CEP192: variants seen among roughly 807,000 people sequenced by gnomAD.
The protein encoded by CEP192 is centrosomal protein of 192 kDa.
A neutral mutation model predicts 271.8 loss-of-function variants in CEP192; 151 were observed. The observed-to-expected ratio is 0.56, with a 90% CI of 0.49 to 0.64. The LOEUF is 0.64. CEP192 is among the 30% of genes least tolerant of loss of function. The probability of loss-of-function intolerance (pLI) is 0.00; values close to 1 mark genes in which losing one functional copy is unlikely to be tolerated. For missense variants in CEP192, 2,910 were observed against 3,020.5 expected (o/e 0.96, Z 0.86); for synonymous variants, 995 against 1,076.5 (o/e 0.92, Z 1.48).
At chr18:13,026,604 G>C (rs148827099) in intron 9 of CEP192, among the ~76,000 whole-genome samples, 1 of 152,202 alleles carries the variant, frequency 6.6e-6, no homozygotes, top group East Asian at 1.9e-4. Flanking sequence ...TTTGCATTCA[G>C]TTTTAGAAGT....
At chr18:13,096,421 G>A in intron 36 of CEP192, 114 bp downstream of exon 36, 1 of 1,382,290 alleles carries the variant, frequency 7.2e-7, no homozygotes, top group Non-Finnish European at 9.8e-7. Context: ...GCACCGTGCT[G>A]ACTCTGCACA....
chr18:13,042,290 G>A lies in CEP192; in HGVS notation c.2023G>A (p.Asp675Asn). 1 of 1,613,994 alleles carries A rather than the reference G, an allele frequency of 6.2e-7. No individual in the cohort carries two copies. The highest frequency in any genetic ancestry group is 8.5e-7 in the Non-Finnish European group (1 of 1,179,902). The change falls in exon 15 of 45, where the codon GAT becomes AAT. Residue 675 changes from aspartate to asparagine, a missense_variant. Physicochemically the swap from Asp to Asn is conservative, Grantham distance 23 (BLOSUM62 1). Transcript: ENST00000506447. Reference protein sequence around the residue: ...VEAVESTSQVDENDVTLTADK... With the variant: ...VEAVESTSQVNENDVTLTADK... The stretch of plus-strand genomic sequence containing the variant: ...AGCAGTAGAGAGTACTTCACAAGTG[G>A]ATGAAAATGATGTGACGTTAACGGC...
intron 17 of CEP192, among the ~76,000 whole-genome samples, 193 bp from the exon 18 acceptor site, chr18:13,052,726 A>G (rs2036862023): frequency 6.6e-6 from 1 of 152,222 alleles, no homozygotes; most frequent in South Asian, 2.1e-4. Context: ...AAATGCCACA[A>G]TACATTTTAC....
chr18:13,036,213 A>C (rs935029708), intron 11 of CEP192, among the ~76,000 whole-genome samples: 1 of 152,138 alleles, frequency 6.6e-6, no homozygotes, highest in Admixed American at 6.5e-5. Flanking sequence ...GTAAAGAACT[A>C]GCACTGTTCT....
At chr18:13,119,556 A>G (rs1267348758) in intron 44 of CEP192, among the ~76,000 whole-genome samples, 1 of 152,158 alleles carries the variant, frequency 6.6e-6, no homozygotes, top group Non-Finnish European at 1.5e-5. Context: ...AGCCTGGCCA[A>G]CATTATGAAA....
rs959774420 is a variant in CEP192, at chr18:13,031,056, C to T, written c.1534+448C>T. ...CAAGGGATAAAAGCGTGAAAAGAAA[C>T]AGGTTGTTGATTAGCATCATCCCCG... On this transcript the variant is annotated intron_variant, in intron 11 of 44. Coordinates refer to ENST00000506447, the MANE Select transcript of CEP192 (RefSeq NM_032142.4). Among the ~76,000 whole-genome samples the T allele has an allele frequency of 9.9e-5, 15 of 152,180 alleles. No homozygotes were observed. The East Asian group carries it at 1.4e-3, about 14-fold the overall frequency.
At chr18:13,082,039 T>C (rs2038637746) in intron 30 of CEP192, among the ~76,000 whole-genome samples, 3 of 152,204 alleles carry the variant, frequency 2.0e-5, no homozygotes, top group Non-Finnish European at 4.4e-5. Flanking sequence ...GTGGTCAGTT[T>C]TGGAATAAGT....
At position 13,059,166 on chromosome 18, in the gene CEP192, T is replaced by C. The variant is rs771384068; in HGVS notation, c.4342T>C (p.Phe1448Leu). The change falls in exon 21 of 45, where the codon TTT (phenylalanine) becomes CTT (leucine). Residue 1448 changes from phenylalanine to leucine, a missense_variant. Physicochemically the swap from Phe to Leu is conservative, Grantham distance 22. Transcript: ENST00000506447. ...TGCCACAGAAGAGATAAAAGTGCTT[T>C]TTATACCATCCAGTCCTGGGGTTTT... ...PHATEEIKVL[F>L]IPSSPGVFRC... 2 of 1,614,118 alleles carry C rather than the reference T, an allele frequency of 1.2e-6. No individual in the cohort carries two copies. Among genetic ancestry groups the C allele is most frequent in the Non-Finnish European group, 1.7e-6 (2 of 1,179,992 alleles).
chr18:13,026,545 G>A (rs2035311693), intron 9 of CEP192, among the ~76,000 whole-genome samples: 1 of 152,028 alleles, frequency 6.6e-6, no homozygotes, highest in Non-Finnish European at 1.5e-5. Context: ...TATACATTTT[G>A]TAGTTGTCCT....
intron 32 of CEP192, 88 bp downstream of exon 32, chr18:13,087,734 A>G (rs543525720): frequency 1.8e-6 from 1 of 551,560 alleles, no homozygotes; most frequent in Admixed American, 3.4e-5. Context: ...TTTTTAGAGT[A>G]TTTCACTATT....
chr18:13,123,610 G>C (rs936852945), intron 44 of CEP192, among the ~76,000 whole-genome samples: 17 of 152,174 alleles, frequency 1.1e-4, no homozygotes, highest in Admixed American at 6.5e-5. Flanking sequence ...TTCCCTGTGA[G>C]CTCAGAACTT....
chr18:13,029,867 A>G lies in CEP192; in HGVS notation c.1255A>G (p.Ile419Val). 7.7e-6 allele frequency: 12 copies of G among 1,551,726 alleles called. No homozygotes were observed. The highest frequency in any genetic ancestry group is 1.0e-5 in the Non-Finnish European group (12 of 1,146,984). Residue 419 changes from isoleucine (I) to valine (V), a missense_variant, in exon 10 of 45, where the codon ATT (isoleucine) becomes GTT (valine). Physicochemically the swap from Ile to Val is conservative, Grantham distance 29. Transcript: ENST00000506447. ...AGACACTGAGACTCCTACGGTGTCC[A>G]TTCAAGAAAATGTGGATGTAGCCTC... is the stretch of plus-strand genomic sequence containing the variant. ...CLDTETPTVS[I>V]QENVDVASLK...
At chr18:13,088,311 G>A (rs866078646) in intron 32 of CEP192, among the ~76,000 whole-genome samples, 12 of 152,254 alleles carry the variant, frequency 7.9e-5, no homozygotes, top group Middle Eastern at 3.4e-3. Context: ...TTAGTTGGGT[G>A]TGATGGTGTG....
At chr18:13,018,408 G>T in intron 7 of CEP192, 72 bp from the exon 8 acceptor site, 1 of 984,508 alleles carries the variant, frequency 1.0e-6, no homozygotes, top group South Asian at 2.4e-5. Context: ...CTTCAGTAAA[G>T]CCACATTTTC....
In CEP192 at chr18:13,001,482, T is replaced by C. The variant is rs1381630946; in HGVS notation, c.190T>C (p.Leu64=). 1 of 1,548,318 alleles carries C rather than the reference T, an allele frequency of 6.5e-7. No individual in the cohort carries two copies. Residue 64 remains leucine (L), a synonymous_variant, in exon 3 of 45, where the codon TTA becomes CTA. Transcript: ENST00000506447. The part of the protein sequence containing the change: ...NRYPDIQASY[L]VEGRFSVPSG... ...GTATCCTGATATCCAGGCATCTTAC[T>C]TAGTAGAAGGGAGATTTTCAGTTCC...
rs2034125170 is a variant in CEP192 at position 13,008,556 on chromosome 18, G to T, written c.391G>T (p.Glu131Ter). ...AATGGAGACAGCAGGACCAGAAGAG[G>T]AGCCAGCCGGAGCTACAGAATCCTT... ...LQMETAGPEE[E>*]PAGATESLQG... is the part of the protein sequence containing the mutation. Residue 131 changes from glutamate to a stop codon, truncating the protein, a stop_gained, in exon 4 of 45, where the codon GAG becomes TAG. Transcript: ENST00000506447. LOFTEE classifies it high-confidence loss of function. The T allele has an allele frequency of 6.4e-7, 1 of 1,551,640 alleles. No individual in the cohort carries two copies. The highest frequency in any genetic ancestry group is 1.2e-5 in the South Asian group (1 of 84,056).
intron 27 of CEP192, among the ~76,000 whole-genome samples, chr18:13,070,802 C>A (rs1280717757): frequency 6.6e-6 from 1 of 152,220 alleles, no homozygotes; most frequent in East Asian, 1.9e-4. Flanking sequence ...CCACTCCTCC[C>A]AAATGTCTCA....
Position 13,049,074 on chromosome 18 carries a change from T to C in CEP192, c.2283T>C (p.His761=), listed in dbSNP as rs1159930183. 5 of 1,614,012 alleles carry C rather than the reference T, an allele frequency of 3.1e-6. No individual in the cohort carries two copies. Among genetic ancestry groups the C allele is most frequent in the South Asian group, 1.1e-5 (1 of 91,086 alleles). ...ATGAGAAACAAAAGGACTATTCTCA[T>C]GTGCGTCATTTCTTACCTAATGATT... The part of the protein sequence containing the change: ...QEDEKQKDYS[H]VRHFLPNDLE... The change falls in exon 16 of 45, where the codon CAT becomes CAC. Residue 761 remains histidine, a synonymous_variant. Coordinates refer to ENST00000506447, the MANE Select transcript of CEP192 (RefSeq NM_032142.4).
In CEP192 at chr18:13,001,320, T is replaced by C. The variant is rs1599028209; in HGVS notation, c.165-137T>C. 3 of 595,242 alleles carry C rather than the reference T, an allele frequency of 5.0e-6. No individual in the cohort carries two copies. The East Asian group carries it at 8.6e-5, about 17-fold the overall frequency. The allele number at this position is 595,242 out of a possible 1,614,324, so 36.9% of individuals were successfully genotyped here. ...AGGTTTCCGTGCTTTGCACAGAGGA[T>C]GATGGTTTGAAATACAGGGGCCCTA... On this transcript the variant is annotated intron_variant, in intron 2 of 44. Transcript: ENST00000506447.
Sources: gnomAD v4.1 joint callset for allele counts (sites outside exome capture counted in the v4.1 genomes callset) on GRCh38, gnomAD v4.1.1 for gene constraint, MANE v1.5 for transcripts, NCBI Gene and HGNC (gene_info 2026-07-23, HGNC 2026-07-21) for gene names.